Variants in EML1 observed in about 807,000 individuals in gnomAD.
The protein encoded by EML1 is echinoderm microtubule-associated protein-like 1.
EML1 carries 27 observed loss-of-function variants against 110.4 expected under a neutral mutation model. The observed-to-expected ratio is 0.24, with a 90% CI of 0.18 to 0.34. The LOEUF (loss-of-function observed/expected upper bound fraction) is 0.34. EML1 is among the 10% of genes least tolerant of loss of function. The pLI is 1.00. For missense variants in EML1, 741 were observed against 1,030.9 expected, an observed-to-expected ratio of 0.72 and a Z score of 3.85; for synonymous variants, 344 against 385.8, an observed-to-expected ratio of 0.89 and a Z score of 1.27.
At chr14:99,766,054 C>T (rs543458082) in intron 1 of EML1, among the ~76,000 whole-genome samples, 12 of 152,146 alleles carry the variant, frequency 7.9e-5, no homozygotes, top group Non-Finnish European at 1.3e-4. Context: ...AACACTTAGG[C>T]TGTTTCCACC....
chr14:99,906,405 G>T (rs982722792), intron 9 of EML1, among the ~76,000 whole-genome samples: 5 of 152,164 alleles, frequency 3.3e-5, no homozygotes, highest in Non-Finnish European at 7.4e-5. Flanking sequence ...CTAAGTGAGG[G>T]ATGGATTATT....
intron 1 of EML1, among the ~76,000 whole-genome samples, chr14:99,766,615 A>G (rs550645033): frequency 5.3e-5 from 8 of 152,338 alleles, no homozygotes; most frequent in African/African-American, 1.9e-4. Flanking sequence ...AGCATTAGTT[A>G]ATGTCAAATG....
intron 1 of EML1, among the ~76,000 whole-genome samples, chr14:99,817,681 C>T (rs1011887323): frequency 3.9e-5 from 6 of 152,178 alleles, no homozygotes; most frequent in African/African-American, 1.2e-4. Flanking sequence ...GTTCCCCATT[C>T]GGCACATTCC....
chr14:99,793,258 C>A, upstream of EML1: 2 of 888,368 alleles, frequency 2.3e-6, no homozygotes, highest in Non-Finnish European at 2.7e-6. Flanking sequence ...GGCCCCGCGG[C>A]CGCCGAGGCC....
intron 17 of EML1, among the ~76,000 whole-genome samples, chr14:99,929,392 A>C (rs1463680554): frequency 6.6e-6 from 1 of 152,210 alleles, no homozygotes; most frequent in Non-Finnish European, 1.5e-5. Context: ...CATCAGTAAC[A>C]GCAGCAGTGA....
Position 99,898,221 on chromosome 14 carries a change from T to A in EML1, c.828-12T>A. 1 of 1,582,778 alleles carries A rather than the reference T, an allele frequency of 6.3e-7. No individual in the cohort carries two copies. Among genetic ancestry groups the A allele is most frequent in the Non-Finnish European group, 8.6e-7 (1 of 1,161,564 alleles). On this transcript the variant is annotated splice_polypyrimidine_tract_variant and intron_variant, in intron 7 of 21. Coordinates refer to ENST00000262233, the MANE Select transcript of EML1 (RefSeq NM_004434.3). Reference sequence around the variant, plus strand: ...GCAACATGTAGATGTTTTGTAAATATCCTTTTCTTAGCCTAGCAGTTCATC... The same window carrying A: ...GCAACATGTAGATGTTTTGTAAATAACCTTTTCTTAGCCTAGCAGTTCATC...
At chr14:99,879,387 T>C (rs1451569312) in intron 4 of EML1, among the ~76,000 whole-genome samples, 1 of 152,236 alleles carries the variant, frequency 6.6e-6, no homozygotes, top group Non-Finnish European at 1.5e-5. Flanking sequence ...TTTTATTCTC[T>C]CTGTTTAGTA....
chr14:99,745,346 A>G (rs893035656), intron 1 of EML1, among the ~76,000 whole-genome samples: 42 of 152,352 alleles, frequency 2.8e-4, no homozygotes, highest in Middle Eastern at 6.8e-3. Flanking sequence ...GATCACAGGC[A>G]TGAGCCATCA....
chr14:99,796,178 C>A (rs2057767284), intron 1 of EML1, among the ~76,000 whole-genome samples: 2 of 111,032 alleles, frequency 1.8e-5, no homozygotes, highest in Non-Finnish European at 4.0e-5. Flanking sequence ...CAAAGTGAGA[C>A]CCTGTCTCAG....
chr14:99,766,385 G>C (rs1287279998), intron 1 of EML1, among the ~76,000 whole-genome samples: 2 of 151,800 alleles, frequency 1.3e-5, no homozygotes, highest in African/African-American at 4.8e-5. Context: ...GTAGAGACAG[G>C]GTTTCACTAT....
chr14:99,870,261 T>TA (rs1184471910), intron 3 of EML1, among the ~76,000 whole-genome samples: 1 of 152,234 alleles, frequency 6.6e-6, no homozygotes, highest in East Asian at 1.9e-4. Context: ...AGCAAGGCCT[T>TA]AACTCTCTTC....
At chr14:99,910,199 T>G in intron 11 of EML1, 43 bp from the exon 12 acceptor site, 1 of 1,347,492 alleles carries the variant, frequency 7.4e-7, no homozygotes, top group South Asian at 1.3e-5. Context: ...ATATATGTTG[T>G]ATGGATTAAA....
rs187870285 is a variant in EML1 at position 99,872,881 on chromosome 14, G to A, written c.384-5604G>A. On this transcript the variant is annotated intron_variant, in intron 3 of 21. Coordinates refer to ENST00000262233, the MANE Select transcript of EML1 (RefSeq NM_004434.3). ...TGGGGCATCTGTGGTGTGTGGATGG[G>A]TATATGTTTGTTTTCTTTTCTCCGG... is the stretch of plus-strand genomic sequence containing the variant. Among the ~76,000 whole-genome samples, 28 of 152,284 alleles carry A rather than the reference G, an allele frequency of 1.8e-4. No individual in the cohort carries two copies. In the Middle Eastern group the frequency reaches 0.01, roughly 55 times the overall value.
chr14:99,820,955 A>G (rs117456823), intron 1 of EML1, among the ~76,000 whole-genome samples: 4,708 of 151,648 alleles, frequency 0.031, 94 homozygotes, highest in Non-Finnish European at 0.041. Context: ...CCCCAATTGC[A>G]TTTGAAGGTT....
rs202153209 is a variant in EML1, at chr14:99,907,677, G to C, written c.1048G>C (p.Asp350His). ...TNLCAVDDSN[D>H]HVLSVWDWQK... ...TCTCTGTGCTGTGGATGACTCCAAC[G>C]ACCATGTGCTCTCTGTATGGGACTG... Residue 350 changes from aspartate (D) to histidine (H), a missense_variant, in exon 10 of 22, where the codon GAC (aspartate) becomes CAC (histidine). This residue lies in a region of EML1 where 388 missense variants were observed against 605.6 expected (regional missense o/e 0.64). Transcript: ENST00000262233. 1 of 1,614,130 alleles carries C rather than the reference G, an allele frequency of 6.2e-7. No individual in the cohort carries two copies. The highest frequency in any genetic ancestry group is 1.7e-5 in the Admixed American group (1 of 60,024).
rs1377425762 is a variant in EML1 at position 99,897,148 on chromosome 14, T to C, written c.681T>C (p.Tyr227=). 6 of 1,566,258 alleles carry C rather than the reference T, an allele frequency of 3.8e-6. No homozygotes were observed. The highest frequency in any genetic ancestry group is 5.2e-6 in the Non-Finnish European group (6 of 1,160,544). ...TTTTATCTTGACATCCACAAAGCTA[T>C]GGGTACAGGGGTCGAGACTGCCGTA... ...PTKRLKLEWV[Y]GYRGRDCRNN... Residue 227 remains tyrosine (Y), a synonymous_variant, in exon 7 of 22, where the codon TAT becomes TAC. Coordinates refer to ENST00000262233, the MANE Select transcript of EML1 (RefSeq NM_004434.3).
intron 2 of EML1, among the ~76,000 whole-genome samples, chr14:99,855,881 A>G (rs2058894308): frequency 6.6e-6 from 1 of 152,208 alleles, no homozygotes; most frequent in African/African-American, 2.4e-5. Context: ...CAAGACATCA[A>G]AACCCTCTAG....
chr14:99,898,853 G>C (rs1311234762), intron 8 of EML1, among the ~76,000 whole-genome samples: 3 of 151,654 alleles, frequency 2.0e-5, no homozygotes, highest in Non-Finnish European at 4.4e-5. Context: ...CAAAGAATTC[G>C]CTAATTCTTA....
chr14:99,912,766 A>G (rs1322634234), intron 13 of EML1, among the ~76,000 whole-genome samples: 1 of 152,220 alleles, frequency 6.6e-6, no homozygotes, highest in Non-Finnish European at 1.5e-5. Flanking sequence ...GACATGCCCA[A>G]GTCATATTAT....
Sources: allele counts gnomAD v4.1 joint callset (sites outside exome capture counted in the v4.1 genomes callset), GRCh38; gene constraint gnomAD v4.1.1; regional missense constraint gnomAD v4.1.1; transcripts MANE v1.5; gene names NCBI Gene and HGNC (gene_info 2026-07-23, HGNC 2026-07-21).